Variants in ADI1 observed in about 807,000 individuals in gnomAD.
ADI1 encodes acireductone dioxygenase.
Under a neutral mutation model 18.7 loss-of-function variants are expected in ADI1, and 21 were observed. The ratio of observed to expected loss-of-function variants is 1.13; its 90% CI spans 0.80 to 1.62. ADI1 has a LOEUF of 1.62. ADI1 is among the 40% of genes most tolerant of loss of function. The pLI is 0.00. For synonymous variants in ADI1, 90 were observed against 100.1 expected, an observed-to-expected ratio of 0.90 and a Z score of 0.60; for missense variants, 245 against 254.9, an observed-to-expected ratio of 0.96 and a Z score of 0.26.
chr2:3,501,619 C>T (rs1455509184), intron 2 of ADI1, among the ~76,000 whole-genome samples: 2 of 151,606 alleles, frequency 1.3e-5, no homozygotes, highest in Non-Finnish European at 2.9e-5. Context: ...CTGCAACCTC[C>T]GCCTCCCCGA....
At chr2:3,512,656 A>G (rs1031959454) in intron 2 of ADI1, among the ~76,000 whole-genome samples, 1 of 152,236 alleles carries the variant, frequency 6.6e-6, no homozygotes, top group African/African-American at 2.4e-5. Context: ...CAGAGAATGT[A>G]TGGAAAAGCC....
rs1666893624 is a variant in ADI1 at position 3,497,591 on chromosome 2, C to T, written c.*1372G>A. ...CACAGCTCACTGCAGCCTCGACCTCCCAGGCTCTAAGAATCCTCCCACCTT... is the reference window on the plus strand; with the variant it reads ...CACAGCTCACTGCAGCCTCGACCTCTCAGGCTCTAAGAATCCTCCCACCTT... On this transcript the variant is annotated 3_prime_UTR_variant, in exon 4 of 4. Coordinates refer to ENST00000327435, the MANE Select transcript of ADI1 (RefSeq NM_018269.4). 1 of 152,152 alleles carries T rather than the reference C, an allele frequency of 6.6e-6. No homozygotes were observed. The highest frequency in any genetic ancestry group is 2.1e-4 in the South Asian group (1 of 4,814). 9.4% of individuals were successfully genotyped at this position (152,152 alleles called of 1,614,324 possible). A position where few individuals can be genotyped will look rare whatever the true frequency, so the allele number is the denominator to read the frequency against.
chr2:3,500,758 C>G, intron 3 of ADI1, 56 bp downstream of exon 3: 2 of 1,609,784 alleles, frequency 1.2e-6, no homozygotes, highest in Non-Finnish European at 1.7e-6. Flanking sequence ...GGCAGAGATG[C>G]CACGGCCAGG....
intron 1 of ADI1, chr2:3,517,552 G>A (rs1321610092): frequency 6.6e-6 from 1 of 152,160 alleles, no homozygotes; most frequent in Non-Finnish European, 1.5e-5. Flanking sequence ...GATCACCTGA[G>A]GTCAGCAGTT....
intron 2 of ADI1, among the ~76,000 whole-genome samples, chr2:3,504,898 G>A (rs960643142): frequency 1.8e-4 from 26 of 148,398 alleles, no homozygotes; most frequent in African/African-American, 5.2e-4. Context: ...GTATGTTTGC[G>A]TTGTTGGTTC....
In ADI1 at chr2:3,515,012, C is replaced by T. The variant is rs181939208; in HGVS notation, c.121-1036G>A. 98 of 814,000 alleles carry T rather than the reference C, an allele frequency of 1.2e-4. 1 individual carries two copies. In the African/African-American group the frequency reaches 1.6e-3, roughly 13 times the overall value. 50.4% of individuals were successfully genotyped at this position (814,000 alleles called of 1,614,324 possible). ...GAGGATGTATGTCACCTCAGGACCA[C>T]TGTGATAATTGTGTTAACTGTACAA... On this transcript the variant is annotated intron_variant, in intron 1 of 3. Coordinates refer to ENST00000327435, the MANE Select transcript of ADI1 (RefSeq NM_018269.4).
intron 2 of ADI1, among the ~76,000 whole-genome samples, chr2:3,502,819 C>G (rs1192904062): frequency 6.6e-6 from 1 of 152,104 alleles, no homozygotes; most frequent in Non-Finnish European, 1.5e-5. Context: ...AAACCGCAAC[C>G]CAAGCTTAGG....
chr2:3,517,718 A>G (rs773289981), intron 1 of ADI1: 3 of 152,154 alleles, frequency 2.0e-5, no homozygotes, highest in Non-Finnish European at 4.4e-5. Flanking sequence ...GTGAGCCGAG[A>G]TCATGCCACT....
intron 3 of ADI1, 31 bp from the exon 4 acceptor site, chr2:3,499,113 CATT>C: frequency 6.2e-7 from 1 of 1,600,802 alleles, no homozygotes; most frequent in Middle Eastern, 1.7e-4. Flanking sequence ...CCCAGCATCT[CATT>C]AAACCAGCCG....
chr2:3,511,646 T>C (rs750886905), intron 2 of ADI1, among the ~76,000 whole-genome samples: 4 of 152,202 alleles, frequency 2.6e-5, no homozygotes, highest in Admixed American at 2.0e-4. Context: ...GAGTGGGGCA[T>C]TGCTATAAAG....
chr2:3,511,862 G>A (rs979607339), intron 2 of ADI1, among the ~76,000 whole-genome samples: 12 of 152,298 alleles, frequency 7.9e-5, no homozygotes, highest in South Asian at 2.1e-4. Context: ...GGAATTTATC[G>A]GGAACTGGAA....
At chr2:3,511,018 G>GT (rs1553333595) in intron 2 of ADI1, among the ~76,000 whole-genome samples, 1 of 152,188 alleles carries the variant, frequency 6.6e-6, no homozygotes, top group Non-Finnish European at 1.5e-5. Flanking sequence ...ATGTTAAATC[G>GT]TAATTCTCAG....
At chr2:3,519,000 T>G (rs1226251169) in intron 1 of ADI1, among the ~76,000 whole-genome samples, 2 of 151,456 alleles carry the variant, frequency 1.3e-5, no homozygotes, top group Non-Finnish European at 2.9e-5. Flanking sequence ...CCAGCCCCGC[T>G]GCTGAGCATG....
intron 1 of ADI1, 191 bp downstream of exon 1, chr2:3,519,171 ACCCAGC>A (rs1466809134): frequency 4.4e-6 from 3 of 676,614 alleles, no homozygotes; most frequent in Non-Finnish European, 6.0e-6. Flanking sequence ...GGCCCTGACC[ACCCAGC>A]CCCACTGCTG....
At chr2:3,515,860 G>C (rs923313497) in intron 1 of ADI1, 15 of 971,044 alleles carry the variant, frequency 1.5e-5, no homozygotes, top group Non-Finnish European at 1.8e-5. Flanking sequence ...TATGGAAAAT[G>C]GAACCTATGT....
chr2:3,503,466 C>T (rs973276960), intron 2 of ADI1, among the ~76,000 whole-genome samples: 1 of 143,592 alleles, frequency 7.0e-6, no homozygotes. Flanking sequence ...CGTACACTCA[C>T]ACGTGTGCAT....
At position 3,519,484 on chromosome 2, in the gene ADI1, C is replaced by A; in HGVS notation, c.4G>T (p.Val2Leu). Residue 2 changes from valine (V) to leucine (L), a missense_variant, in exon 1 of 4, where the codon GTG becomes TTG. Transcript: ENST00000327435. Reference sequence around the variant, plus strand: ...GCGTCGTCCATATACCAGGCCTGCACCATGACGCGCAGTGCGGGTGCCGTG... The same window carrying A: ...GCGTCGTCCATATACCAGGCCTGCAACATGACGCGCAGTGCGGGTGCCGTG... The part of the protein sequence containing the change: M[V>L]QAWYMDDAPG... The A allele has an allele frequency of 7.7e-7, 1 of 1,300,062 alleles. No individual in the cohort carries two copies. Among genetic ancestry groups the A allele is most frequent in the South Asian group, 2.3e-5 (1 of 44,212 alleles). 80.5% of individuals were successfully genotyped at this position (1,300,062 alleles called of 1,614,324 possible).
chr2:3,501,459 G>A (rs944974358), intron 2 of ADI1, among the ~76,000 whole-genome samples: 3 of 152,202 alleles, frequency 2.0e-5, no homozygotes, highest in African/African-American at 7.2e-5. Context: ...CACACAGGGT[G>A]AGTGAGAAGC....
chr2:3,519,498 G>GCGGGTGCCGTGTTCGAACC lies in ADI1; in HGVS notation c.-30_-12dup, dbSNP rs1667509276. On this transcript the variant is annotated 5_prime_UTR_variant, in exon 1 of 4. Transcript: ENST00000327435. ...CCAGGCCTGCACCATGACGCGCAGTGCGGGTGCCGTGTTCGAACCCAGGGG... is the reference window on the plus strand; with the variant it reads ...CCAGGCCTGCACCATGACGCGCAGTGCGGGTGCCGTGTTCGAACCCGGGTGCCGTGTTCGAACCCAGGGG... The GCGGGTGCCGTGTTCGAACC allele has an allele frequency of 2.3e-6, 3 of 1,277,046 alleles. No homozygotes were observed. The South Asian group carries it at 8.0e-5, about 34-fold the overall frequency. 79.1% of individuals were successfully genotyped at this position (1,277,046 alleles called of 1,614,324 possible).
Sources: allele counts gnomAD v4.1 joint callset (sites outside exome capture counted in the v4.1 genomes callset), GRCh38; gene constraint gnomAD v4.1.1; transcripts MANE v1.5; gene names NCBI Gene and HGNC (gene_info 2026-07-23, HGNC 2026-07-21).